Variants in CCDC85C observed in about 807,000 individuals in gnomAD.
The protein encoded by CCDC85C is coiled-coil domain-containing protein 85C.
In CCDC85C, 18 loss-of-function variants were observed where a neutral mutation model predicts 38.3. The observed-to-expected ratio is 0.47, with a 90% CI of 0.33 to 0.70. CCDC85C has a LOEUF of 0.70. Among genes scored for constraint, CCDC85C ranks in the 30% least tolerant of loss-of-function variants. The pLI, the probability that CCDC85C is intolerant of heterozygous loss-of-function variation, is 0.03. For missense variants in CCDC85C, 566 were observed against 621.2 expected (o/e 0.91, Z 0.94); for synonymous variants, 264 against 293.8 (o/e 0.90, Z 1.04).
intron 1 of CCDC85C, among the ~76,000 whole-genome samples, chr14:99,567,218 A>G (rs537084166): frequency 2.0e-5 from 3 of 151,672 alleles, no homozygotes; most frequent in African/African-American, 7.3e-5. Flanking sequence ...TCACCCACAC[A>G]TTCACAAGTC....
In CCDC85C at chr14:99,503,767, C is replaced by G; in HGVS notation, c.*11479G>C. 1.3e-6 allele frequency: 1 copy of G among 784,316 alleles called. No homozygotes were observed. Among genetic ancestry groups the G allele is most frequent in the Non-Finnish European group, 2.1e-6 (1 of 487,776 alleles). 48.6% of individuals were successfully genotyped at this position (784,316 alleles called of 1,614,324 possible). On this transcript the variant is annotated 3_prime_UTR_variant, in exon 6 of 6. Coordinates refer to ENST00000380243, the MANE Select transcript of CCDC85C (RefSeq NM_001144995.2). ...TTAAATCTTAACTTTAGAGCTCATA[C>G]AAAACTTTTCCATCAGCATTGTCTT...
intron 1 of CCDC85C, among the ~76,000 whole-genome samples, chr14:99,578,932 C>T (rs1363942980): frequency 6.6e-6 from 1 of 152,192 alleles, no homozygotes; most frequent in African/African-American, 2.4e-5. Flanking sequence ...TTGACACACT[C>T]CCTGCCCCAC....
intron 1 of CCDC85C, among the ~76,000 whole-genome samples, chr14:99,586,605 TC>T (rs1279681138): frequency 6.6e-6 from 1 of 152,136 alleles, no homozygotes; most frequent in Non-Finnish European, 1.5e-5. Flanking sequence ...CCCCGAGGGT[TC>T]CTCCTCCTGA....
At chr14:99,559,169 CTTAG>C (rs1898066778) in intron 1 of CCDC85C, among the ~76,000 whole-genome samples, 1 of 152,096 alleles carries the variant, frequency 6.6e-6, no homozygotes, top group African/African-American at 2.4e-5. Context: ...ATTACCCAAT[CTTAG>C]GTATTTCTTT....
In CCDC85C at chr14:99,515,025, G is replaced by A. The variant is rs372414263; in HGVS notation, c.*221C>T. 72 of 506,526 alleles carry A rather than the reference G, an allele frequency of 1.4e-4. No homozygotes were observed. Among genetic ancestry groups the A allele is most frequent in the Middle Eastern group, 1.1e-3 (2 of 1,862 alleles). 31.4% of individuals were successfully genotyped at this position (506,526 alleles called of 1,614,324 possible). A position where few individuals can be genotyped will look rare whatever the true frequency, so the allele number is the denominator to read the frequency against. On this transcript the variant is annotated 3_prime_UTR_variant, in exon 6 of 6. Coordinates refer to ENST00000380243, the MANE Select transcript of CCDC85C (RefSeq NM_001144995.2). ...GCTCTGCTGCAGGAACAGTCGCAGC[G>A]TCTCGTCTTCCCAGGTTGCTGGTGT...
chr14:99,554,067 G>A (rs531924981), intron 1 of CCDC85C, among the ~76,000 whole-genome samples: 5 of 152,110 alleles, frequency 3.3e-5, no homozygotes, highest in Non-Finnish European at 5.9e-5. Flanking sequence ...CAGTGTGGTC[G>A]GCTCCACTTG....
Position 99,545,715 on chromosome 14 carries a change from C to T in CCDC85C, c.794-9627G>A, listed in dbSNP as rs1384008226. The stretch of plus-strand genomic sequence containing the variant: ...CGGGGAGAGACATCTCACCACACAG[C>T]GGTCACATCACATTCAGCCTGCAGC... On this transcript the variant is annotated intron_variant, in intron 1 of 5. Coordinates refer to ENST00000380243, the MANE Select transcript of CCDC85C (RefSeq NM_001144995.2). The surrounding 1 kb of genome is among the most constrained non-coding windows in gnomAD (Gnocchi z 4.7). Among the ~76,000 whole-genome samples, 4 of 152,144 alleles carry T rather than the reference C, an allele frequency of 2.6e-5. No homozygotes were observed. The highest frequency in any genetic ancestry group is 1.9e-4 in the East Asian group (1 of 5,162).
rs377562687 is a variant in CCDC85C at position 99,551,452 on chromosome 14, G to A, written c.794-15364C>T. Among the ~76,000 whole-genome samples, 21 of 151,044 alleles carry A rather than the reference G, an allele frequency of 1.4e-4. No homozygotes were observed. The East Asian group carries it at 1.8e-3, about 13-fold the overall frequency. ...GAGCAGGTGGGTGTGCAGGTGAGCA[G>A]GTGAATGAGTGAGCAGGTAAGTGAG... On this transcript the variant is annotated intron_variant, in intron 1 of 5. Coordinates refer to ENST00000380243, the MANE Select transcript of CCDC85C (RefSeq NM_001144995.2).
chr14:99,507,437 C>A lies in CCDC85C; in HGVS notation c.*7809G>T. 1 of 403,472 alleles carries A rather than the reference C, an allele frequency of 2.5e-6. No homozygotes were observed. The highest frequency in any genetic ancestry group is 4.7e-6 in the Non-Finnish European group (1 of 213,944). 25.0% of individuals were successfully genotyped at this position (403,472 alleles called of 1,614,324 possible). ...AAAATTAGCCAGGTGTGGTAGCACACACCTGTAGTCCCAACTACTTAGGAG... is the reference window on the plus strand; with the variant it reads ...AAAATTAGCCAGGTGTGGTAGCACAAACCTGTAGTCCCAACTACTTAGGAG... On this transcript the variant is annotated 3_prime_UTR_variant, in exon 6 of 6. Transcript: ENST00000380243.
chr14:99,524,133 G>C (rs1377128956), intron 2 of CCDC85C, among the ~76,000 whole-genome samples: 1 of 149,090 alleles, frequency 6.7e-6, no homozygotes. Flanking sequence ...TCTTGGCCAG[G>C]ACTCTGCAAC....
chr14:99,577,248 C>T (rs1028497675), intron 1 of CCDC85C, among the ~76,000 whole-genome samples: 5 of 151,650 alleles, frequency 3.3e-5, no homozygotes, highest in South Asian at 2.1e-4. Context: ...ATTTCAGAAC[C>T]GACTGCAGGC....
rs1424101536 is a variant in CCDC85C at position 99,588,808 on chromosome 14, G to C, written c.793+14359C>G. 6.6e-6 allele frequency among the ~76,000 whole-genome samples: 1 copy of C among 152,078 alleles called. No individual in the cohort carries two copies. Among genetic ancestry groups the C allele is most frequent in the African/African-American group, 2.4e-5 (1 of 41,410 alleles). On this transcript the variant is annotated intron_variant, in intron 1 of 5. Coordinates refer to ENST00000380243, the MANE Select transcript of CCDC85C (RefSeq NM_001144995.2). The surrounding 1 kb of genome is among the most constrained non-coding windows in gnomAD (Gnocchi z 5.0). ...TACTGGTTCTACTAGATGGAGGGAA[G>C]AGGCCAAGCTAGGAGCAGCCTTGGG... is the stretch of plus-strand genomic sequence containing the variant.
At chr14:99,575,418 C>A (rs1898453343) in intron 1 of CCDC85C, among the ~76,000 whole-genome samples, 1 of 152,214 alleles carries the variant, frequency 6.6e-6, no homozygotes, top group South Asian at 2.1e-4. Flanking sequence ...GCGACCCTCA[C>A]CCCCTTCTGT....
At chr14:99,550,204 T>A (rs1304526211) in intron 1 of CCDC85C, among the ~76,000 whole-genome samples, 1 of 152,200 alleles carries the variant, frequency 6.6e-6, no homozygotes, top group African/African-American at 2.4e-5. Flanking sequence ...GCAGATGAGA[T>A]CAAGGTTATG....
intron 1 of CCDC85C, among the ~76,000 whole-genome samples, chr14:99,601,180 C>T (rs1489242746): frequency 1.3e-5 from 2 of 152,136 alleles, no homozygotes; most frequent in Non-Finnish European, 2.9e-5. Context: ...CATCTGTAAC[C>T]GAAATTTGTA....
In CCDC85C at chr14:99,503,736, T is replaced by C; in HGVS notation, c.*11510A>G. On this transcript the variant is annotated 3_prime_UTR_variant, in exon 6 of 6. Coordinates refer to ENST00000380243, the MANE Select transcript of CCDC85C (RefSeq NM_001144995.2). ...AACATTGTTTCTTTTCAGATCTAAA[T>C]TGGCCTTAAATCTTAACTTTAGAGC... is the stretch of plus-strand genomic sequence containing the variant. The C allele has an allele frequency of 2.6e-6, 3 of 1,171,232 alleles. No individual in the cohort carries two copies. The highest frequency in any genetic ancestry group is 2.6e-5 in the East Asian group (1 of 38,952). The allele number at this position is 1,171,232 out of a possible 1,614,324, so 72.6% of individuals were successfully genotyped here. A position where few individuals can be genotyped will look rare whatever the true frequency, so the allele number is the denominator to read the frequency against.
intron 2 of CCDC85C, among the ~76,000 whole-genome samples, chr14:99,529,894 G>A (rs1167337900): frequency 3.3e-5 from 5 of 152,214 alleles, no homozygotes; most frequent in African/African-American, 1.2e-4. Context: ...CCAACCGCCC[G>A]ACTCCCAGTC....
Position 99,533,552 on chromosome 14 carries a change from C to A in CCDC85C, c.867+2463G>T, listed in dbSNP as rs574793329. ...TTTCTGTCCCTAAATTCCAGTCCAA[C>A]TGCCTGCAGCCAGCAAGCCTGTGTC... On this transcript the variant is annotated intron_variant, in intron 2 of 5. Transcript: ENST00000380243. The surrounding 1 kb of genome is among the most constrained non-coding windows in gnomAD (Gnocchi z 4.2). 2.0e-5 allele frequency among the ~76,000 whole-genome samples: 3 copies of A among 152,374 alleles called. No homozygotes were observed. Among genetic ancestry groups the A allele is most frequent in the African/African-American group, 7.2e-5 (3 of 41,596 alleles).
In CCDC85C at chr14:99,527,825, C is replaced by T. The variant is rs185989937; in HGVS notation, c.868-5585G>A. ...TCATGCAGACTTGCAAGCCTCTTCT[C>T]CCTCCGTGCACTGCAGGTGTCTCAC... is the stretch of plus-strand genomic sequence containing the variant. On this transcript the variant is annotated intron_variant, in intron 2 of 5. Coordinates refer to ENST00000380243, the MANE Select transcript of CCDC85C (RefSeq NM_001144995.2). 1.2e-4 allele frequency among the ~76,000 whole-genome samples: 18 copies of T among 152,310 alleles called. No homozygotes were observed. The East Asian group carries it at 3.3e-3, about 28-fold the overall frequency.
Sources: allele counts gnomAD v4.1 joint callset (sites outside exome capture counted in the v4.1 genomes callset), GRCh38; gene constraint gnomAD v4.1.1; non-coding constraint Gnocchi (gnomAD v3.1); transcripts MANE v1.5; gene names NCBI Gene and HGNC (gene_info 2026-07-23, HGNC 2026-07-21).